VIT: variants seen among roughly 807,000 people sequenced by gnomAD.
VIT encodes vitrin.
VIT carries 99 observed loss-of-function variants against 78.0 expected under a neutral mutation model. The observed-to-expected ratio is 1.27, with a 90% CI of 1.08 to 1.50. The LOEUF (loss-of-function observed/expected upper bound fraction) is 1.50. Among genes scored for constraint, VIT ranks in the 40% most tolerant of loss-of-function variants. The probability of loss-of-function intolerance (pLI) is 0.00; values close to 1 mark genes in which losing one functional copy is unlikely to be tolerated. For synonymous variants in VIT, 374 were observed against 334.3 expected, an observed-to-expected ratio of 1.12 and a Z score of -1.29; for missense variants, 1,126 against 875.3, an observed-to-expected ratio of 1.29 and a Z score of -3.61.
chr2:36,716,275 C>T, intron 1 of VIT, 78 bp from the exon 2 acceptor site: 1 of 1,178,034 alleles, frequency 8.5e-7, no homozygotes, highest in Non-Finnish European at 1.3e-6. Context: ...ATGATGCAGT[C>T]TATCCCCACA....
chr2:36,720,364 A>G (rs975098864), intron 2 of VIT, among the ~76,000 whole-genome samples: 10 of 152,232 alleles, frequency 6.6e-5, no homozygotes, highest in South Asian at 4.1e-4. Flanking sequence ...GATTTTTAAC[A>G]AAGGTGACAA....
intron 2 of VIT, 85 bp from the exon 3 acceptor site, chr2:36,729,341 G>A: frequency 8.3e-7 from 1 of 1,198,778 alleles, no homozygotes; most frequent in Non-Finnish European, 1.2e-6. Context: ...ATACTTTGTG[G>A]ATGATCGAAG....
At chr2:36,799,419 A>C (rs1666151148) in intron 12 of VIT, among the ~76,000 whole-genome samples, 1 of 152,182 alleles carries the variant, frequency 6.6e-6, no homozygotes, top group Admixed American at 6.5e-5. Context: ...GGCTACTTTA[A>C]AAAGTTTTCT....
intron 13 of VIT, among the ~76,000 whole-genome samples, chr2:36,802,948 A>G (rs1301637702): frequency 6.6e-6 from 1 of 152,232 alleles, no homozygotes; most frequent in African/African-American, 2.4e-5. Context: ...TTCCTGCAGA[A>G]GTAGGACCTC....
chr2:36,773,072 T>C (rs188097861), intron 7 of VIT, among the ~76,000 whole-genome samples: 44 of 152,324 alleles, frequency 2.9e-4, no homozygotes, highest in African/African-American at 1.0e-3. Context: ...CTAAAAATGA[T>C]GAAAAGCTAA....
At chr2:36,713,177 T>G (rs1458758924) in intron 1 of VIT, among the ~76,000 whole-genome samples, 1 of 152,194 alleles carries the variant, frequency 6.6e-6, no homozygotes, top group Non-Finnish European at 1.5e-5. Flanking sequence ...TGATTTTAAA[T>G]TGGATAACTA....
At chr2:36,735,453 C>A (rs1198081803) in intron 3 of VIT, among the ~76,000 whole-genome samples, 2 of 152,220 alleles carry the variant, frequency 1.3e-5, no homozygotes, top group African/African-American at 4.8e-5. Context: ...TCCTTACTTA[C>A]AAAGATTTCC....
chr2:36,768,091 T>A (rs1434884270), intron 7 of VIT, among the ~76,000 whole-genome samples: 9 of 152,092 alleles, frequency 5.9e-5, no homozygotes, highest in Non-Finnish European at 1.0e-4. Flanking sequence ...CCCTCTCCGC[T>A]CCCATAGCAG....
intron 1 of VIT, among the ~76,000 whole-genome samples, chr2:36,709,305 A>G (rs34331280): frequency 0.15 from 22,893 of 152,192 alleles, 2,266 homozygotes; most frequent in Non-Finnish European, 0.22. Context: ...TCTTCTTCCT[A>G]GCCTTGGAAA....
intron 1 of VIT, among the ~76,000 whole-genome samples, chr2:36,711,217 G>T (rs1665778015): frequency 6.6e-6 from 1 of 152,098 alleles, no homozygotes. Context: ...TCTTGCTGTG[G>T]TCTTTATTTT....
At position 36,726,836 on chromosome 2, in the gene VIT, A is replaced by C. The variant is rs924984657; in HGVS notation, c.53-2590A>C. On this transcript the variant is annotated intron_variant, in intron 2 of 15. Coordinates refer to ENST00000379242, the MANE Select transcript of VIT (RefSeq NM_053276.4). Reference sequence around the variant, plus strand: ...TCTGTCTCAAAAAAAAAAAAAAAAAAAAAAAAACAAAACCTCAGAAGAGAG... The same window carrying C: ...TCTGTCTCAAAAAAAAAAAAAAAAACAAAAAAACAAAACCTCAGAAGAGAG... Among the ~76,000 whole-genome samples the C allele has an allele frequency of 4.7e-5, 7 of 150,080 alleles. 1 individual carries two copies. In the East Asian group the frequency reaches 5.9e-4, roughly 13 times the overall value.
intron 3 of VIT, among the ~76,000 whole-genome samples, chr2:36,742,824 G>C: frequency 6.6e-6 from 1 of 152,210 alleles, no homozygotes; most frequent in East Asian, 1.9e-4. Context: ...TCTTTTCTCA[G>C]AGATCTCTGC....
At chr2:36,748,774 T>C (rs187739168) in intron 4 of VIT, among the ~76,000 whole-genome samples, 5 of 152,360 alleles carry the variant, frequency 3.3e-5, no homozygotes, top group Non-Finnish European at 7.4e-5. Flanking sequence ...AGCAACTTCG[T>C]GCAAGGTTGC....
At chr2:36,795,639 T>A (rs1251613827) in intron 12 of VIT, among the ~76,000 whole-genome samples, 2 of 152,120 alleles carry the variant, frequency 1.3e-5, no homozygotes, top group African/African-American at 4.8e-5. Context: ...GGTCTCGAAC[T>A]CCTGACCTCA....
At chr2:36,712,288 C>T (rs1665852757) in intron 1 of VIT, among the ~76,000 whole-genome samples, 1 of 152,178 alleles carries the variant, frequency 6.6e-6, no homozygotes, top group African/African-American at 2.4e-5. Flanking sequence ...GGTCAGGTTC[C>T]ATTATTGATA....
chr2:36,803,240 G>T (rs1427998797), intron 13 of VIT, among the ~76,000 whole-genome samples: 1 of 152,192 alleles, frequency 6.6e-6, no homozygotes, highest in African/African-American at 2.4e-5. Flanking sequence ...ATATTTGTCA[G>T]CAGAAATATA....
At chr2:36,734,803 C>A (rs1030411647) in intron 3 of VIT, among the ~76,000 whole-genome samples, 1 of 152,070 alleles carries the variant, frequency 6.6e-6, no homozygotes, top group Non-Finnish European at 1.5e-5. Context: ...GCTCCAGTGC[C>A]CCCCATGGAT....
In VIT at chr2:36,763,654, A is replaced by G. The variant is rs138753207; in HGVS notation, c.488-3440A>G. Among the ~76,000 whole-genome samples the G allele has an allele frequency of 8.8e-3, 1,159 of 131,724 alleles. 27 individuals are homozygous for G. The highest frequency in any genetic ancestry group is 0.033 in the African/African-American group (1,102 of 33,666). 86.4% of individuals were successfully genotyped at this position (131,724 alleles called of 152,430 possible). ...GCCCAGACTGGAGTGCAATGGCTCG[A>G]TCTCGGCTCTCCACAACCTCCGCCT... is the stretch of plus-strand genomic sequence containing the variant. On this transcript the variant is annotated intron_variant, in intron 6 of 15. Transcript: ENST00000379242.
chr2:36,814,343 C>T lies in VIT; in HGVS notation c.2064C>T (p.Asn688=). The change falls in exon 16 of 16, where the codon AAC becomes AAT. Residue 688 remains asparagine (N), a synonymous_variant. Transcript: ENST00000379242. ...RIIQNICTEF[N]SQPRN ...TCCAGAACATTTGTACAGAGTTCAA[C>T]TCACAGCCTCGGAACTGAATTCAGA... 1 of 1,614,186 alleles carries T rather than the reference C, an allele frequency of 6.2e-7. No homozygotes were observed. Among genetic ancestry groups the T allele is most frequent in the Non-Finnish European group, 8.5e-7 (1 of 1,180,032 alleles).
Sources: allele counts gnomAD v4.1 joint callset (sites outside exome capture counted in the v4.1 genomes callset), GRCh38; gene constraint gnomAD v4.1.1; transcripts MANE v1.5; gene names NCBI Gene and HGNC (gene_info 2026-07-23, HGNC 2026-07-21).